Variants in KLHL17 observed in about 807,000 individuals in gnomAD.
KLHL17 encodes the protein kelch like family member 17.
Under a neutral mutation model 64.6 loss-of-function variants are expected in KLHL17, and 71 were observed. That is an observed-to-expected ratio of 1.10 (90% CI 0.91 to 1.34). The LOEUF (loss-of-function observed/expected upper bound fraction) is 1.34, where lower values mean the gene tolerates loss of function less well. Among genes scored for constraint, KLHL17 ranks in the 40% most tolerant of loss-of-function variants. The pLI is 0.00. For synonymous variants in KLHL17, 612 were observed against 405.4 expected (o/e 1.51, Z -6.12); for missense variants, 1,140 against 935.0 (o/e 1.22, Z -2.86).
At chr1:961,574 G>T (rs757450003) in intron 2 of KLHL17, 22 bp downstream of exon 2, 9 of 1,612,706 alleles carry the variant, frequency 5.6e-6, no homozygotes, top group Non-Finnish European at 7.6e-6. Context: ...CCTGGGCGGC[G>T]CTGGGGGCTC....
chr1:965,067 A>G lies in KLHL17; in HGVS notation c.1805A>G (p.Asn602Ser). 1 of 1,612,616 alleles carries G rather than the reference A, an allele frequency of 6.2e-7. No individual in the cohort carries two copies. The highest frequency in any genetic ancestry group is 8.5e-7 in the Non-Finnish European group (1 of 1,179,790). Reference sequence around the variant, plus strand: ...ATCGAGAAGTACAACCCGAGGACCAACAAGTGGGTGGCCGCATCCTGCATG... The same window carrying G: ...ATCGAGAAGTACAACCCGAGGACCAGCAAGTGGGTGGCCGCATCCTGCATG... ...NSIEKYNPRT[N>S]KWVAASCMFT... The change falls in exon 12 of 12, where the codon AAC becomes AGC. Residue 602 changes from asparagine to serine, a missense_variant. Transcript: ENST00000338591.
rs1430564743 is a variant in KLHL17, at chr1:960,734, G to T, written c.41G>T (p.Ser14Ile). Residue 14 changes from serine to isoleucine, a missense_variant, in exon 1 of 12, where the codon AGC becomes ATC. Ser to Ile is a moderately radical substitution (Grantham distance 142). Coordinates refer to ENST00000338591, the MANE Select transcript of KLHL17 (RefSeq NM_198317.3). ...GAGCGCCCGGCCGGCAGGACGCAGA[G>T]CCCGGAGCACGGCAGCCCGGGGCCC... Reference protein sequence around the residue: ...RSERPAGRTQSPEHGSPGPGP... With the variant: ...RSERPAGRTQIPEHGSPGPGP... 7.6e-6 allele frequency: 10 copies of T among 1,317,118 alleles called. No homozygotes were observed. In the South Asian group the frequency reaches 1.2e-4, roughly 15 times the overall value. 81.6% of individuals were successfully genotyped at this position (1,317,118 alleles called of 1,614,324 possible). A position where few individuals can be genotyped will look rare whatever the true frequency, so the allele number is the denominator to read the frequency against.
chr1:960,890 G>C, intron 1 of KLHL17, 90 bp downstream of exon 1: 1 of 883,834 alleles, frequency 1.1e-6, no homozygotes. Flanking sequence ...GGCGGGGGCC[G>C]CTTCCGAGGG....
chr1:964,212 C>T (rs781314633), intron 10 of KLHL17, 32 bp downstream of exon 10: 1 of 1,610,764 alleles, frequency 6.2e-7, no homozygotes, highest in Non-Finnish European at 8.5e-7. Context: ...GCCACCCCCT[C>T]CCGTGCGCCG....
Position 960,703 on chromosome 1 carries a change from C to A in KLHL17, c.10C>A (p.Arg4Ser). The change falls in exon 1 of 12, where the codon CGC becomes AGC. Residue 4 changes from arginine to serine, a missense_variant. Transcript: ENST00000338591. ...TGGGTCCGGCAGCCGAATGCAGCCC[C>A]GCAGCGAGCGCCCGGCCGGCAGGAC... MQPRSERPAGRTQS... is the reference protein window; with the variant it reads MQPSSERPAGRTQS... 7.4e-7 allele frequency: 1 copy of A among 1,357,090 alleles called. No individual in the cohort carries two copies. The highest frequency in any genetic ancestry group is 9.5e-7 in the Non-Finnish European group (1 of 1,047,122). 84.1% of individuals were successfully genotyped at this position (1,357,090 alleles called of 1,614,324 possible).
Position 965,099 on chromosome 1 carries a change from C to T in KLHL17, c.1837C>T (p.Arg613Trp), listed in dbSNP as rs1205428243. The change falls in exon 12 of 12, where the codon CGG (arginine) becomes TGG (tryptophan). Residue 613 changes from arginine to tryptophan, a missense_variant. Transcript: ENST00000338591. ...GGTGGCCGCATCCTGCATGTTCACC[C>T]GGCGCAGCAGTGTGGGTGTGGCGGT... The part of the protein sequence containing the change: ...KWVAASCMFT[R>W]RSSVGVAVLE... 5 of 1,612,624 alleles carry T rather than the reference C, an allele frequency of 3.1e-6. No individual in the cohort carries two copies. The highest frequency in any genetic ancestry group is 1.3e-5 in the African/African-American group (1 of 74,866).
rs770195236 is a variant in KLHL17, at chr1:963,958, C to T, written c.1394C>T (p.Ser465Phe). 1 of 1,612,568 alleles carries T rather than the reference C, an allele frequency of 6.2e-7. No homozygotes were observed. Reference protein sequence around the residue: ...RYDPLTGTWTSVAAMSTRRRY... With the variant: ...RYDPLTGTWTFVAAMSTRRRY... ...GACCCCCTGACCGGAACGTGGACGT[C>T]CGTCGCTGCCATGAGCACCCGGAGG... The change falls in exon 9 of 12, where the codon TCC becomes TTC. Residue 465 changes from serine to phenylalanine, a missense_variant. Coordinates refer to ENST00000338591, the MANE Select transcript of KLHL17 (RefSeq NM_198317.3).
Position 961,941 on chromosome 1 carries a change from A to G in KLHL17, c.605A>G (p.Asp202Gly). ...TGCCTGGGTATCCGGGGCTTTGCCGATGCGCACTCCTGCAGCGACCTGCTC... is the reference window on the plus strand; with the variant it reads ...TGCCTGGGTATCCGGGGCTTTGCCGGTGCGCACTCCTGCAGCGACCTGCTC... Reference protein sequence around the residue: ...SNCLGIRGFADAHSCSDLLKA... With the variant: ...SNCLGIRGFAGAHSCSDLLKA... The change falls in exon 4 of 12, where the codon GAT becomes GGT. Residue 202 changes from aspartate to glycine, a missense_variant. Asp to Gly is a moderately conservative substitution (Grantham distance 94). Coordinates refer to ENST00000338591, the MANE Select transcript of KLHL17 (RefSeq NM_198317.3). The G allele has an allele frequency of 6.2e-7, 1 of 1,612,872 alleles. No homozygotes were observed. Among genetic ancestry groups the G allele is most frequent in the Non-Finnish European group, 8.5e-7 (1 of 1,179,988 alleles).
rs773231383 is a variant in KLHL17, at chr1:961,621, C to T, written c.368-8C>T. ...CGGGTCAGCTCGTGTAACCCGCTGTCCCCGCAGATGAGATGAGCGAGAGCC... is the reference window on the plus strand; with the variant it reads ...CGGGTCAGCTCGTGTAACCCGCTGTTCCCGCAGATGAGATGAGCGAGAGCC... On this transcript the variant is annotated splice_polypyrimidine_tract_variant and splice_region_variant and intron_variant, in intron 2 of 11. Transcript: ENST00000338591. The T allele has an allele frequency of 1.9e-6, 3 of 1,612,680 alleles. No homozygotes were observed. The highest frequency in any genetic ancestry group is 3.3e-5 in the Admixed American group (2 of 60,004).
chr1:962,490 GGGCTCCCACA>G lies in KLHL17; in HGVS notation c.828+21_828+30del. Reference sequence around the variant, plus strand: ...CCCACGGGTGAGGCGCGGCCGCGGGGGGCTCCCACAGCATCCAGGAGGGCATGCAGGTGGC... The same window carrying G: ...CCCACGGGTGAGGCGCGGCCGCGGGGGCATCCAGGAGGGCATGCAGGTGGC... On this transcript the variant is annotated intron_variant, in intron 5 of 11. Coordinates refer to ENST00000338591, the MANE Select transcript of KLHL17 (RefSeq NM_198317.3). 1.9e-6 allele frequency: 3 copies of G among 1,610,922 alleles called. No individual in the cohort carries two copies. The highest frequency in any genetic ancestry group is 1.7e-6 in the Non-Finnish European group (2 of 1,179,178).
intron 2 of KLHL17, 25 bp from the exon 3 acceptor site, chr1:961,604 C>T (rs1642650588): frequency 6.2e-7 from 1 of 1,612,660 alleles, no homozygotes; most frequent in African/African-American, 1.3e-5. Flanking sequence ...CTCGGGTCAG[C>T]TCGTGTAACC....
At position 964,511 on chromosome 1, in the gene KLHL17, G is replaced by A; in HGVS notation, c.1681G>A (p.Ala561Thr). 6.6e-7 allele frequency: 1 copy of A among 1,518,764 alleles called. No individual in the cohort carries two copies. The highest frequency in any genetic ancestry group is 2.5e-5 in the East Asian group (1 of 40,486). The allele number at this position is 1,518,764 out of a possible 1,614,324, so 94.1% of individuals were successfully genotyped here. A position where few individuals can be genotyped will look rare whatever the true frequency, so the allele number is the denominator to read the frequency against. ...AAAGGCTGGAGCCTGGGAAAGCGTG[G>A]CGCCCATGAATATCCGCAGGTCCGC... ...SPKAGAWESV[A>T]PMNIRRSTHD... The change falls in exon 11 of 12, where the codon GCG (alanine) becomes ACG (threonine). Residue 561 changes from alanine to threonine, a missense_variant. Ala to Thr is a moderately conservative substitution (Grantham distance 58, BLOSUM62 0). Transcript: ENST00000338591.
At chr1:962,145 C>G (rs764335553) in intron 4 of KLHL17, 98 bp downstream of exon 4, 1 of 1,321,774 alleles carries the variant, frequency 7.6e-7, no homozygotes, top group Non-Finnish European at 1.1e-6. Context: ...ACAGCCCTGC[C>G]CACAATCCTT....
chr1:960,832 G>T (rs1642605851), intron 1 of KLHL17, 32 bp downstream of exon 1: 1 of 989,744 alleles, frequency 1.0e-6, no homozygotes, highest in African/African-American at 1.8e-5. Flanking sequence ...CGCGGGGGGC[G>T]GCCTCGGGAC....
rs1642602860 is a variant in KLHL17, at chr1:960,784, C to T, written c.91C>T (p.Pro31Ser). 1 of 1,074,322 alleles carries T rather than the reference C, an allele frequency of 9.3e-7. No individual in the cohort carries two copies. Among genetic ancestry groups the T allele is most frequent in the Non-Finnish European group, 1.1e-6 (1 of 885,644 alleles). 66.5% of individuals were successfully genotyped at this position (1,074,322 alleles called of 1,614,324 possible). The change falls in exon 1 of 12, where the codon CCG (proline) becomes TCG (serine). Residue 31 changes from proline to serine, a missense_variant. Transcript: ENST00000338591. The stretch of plus-strand genomic sequence containing the variant: ...CGGGCCCGAGGCGCCGCCGCCTCCA[C>T]CGCCGCAGCCGCCGGCGTGAGTGGG... ...GPGPEAPPPP[P>S]PQPPAPEAER...
At position 960,704 on chromosome 1, in the gene KLHL17, G is replaced by A. The variant is rs1258501356; in HGVS notation, c.11G>A (p.Arg4His). The A allele has an allele frequency of 1.1e-5, 15 of 1,357,756 alleles. 1 individual carries two copies. The East Asian group carries it at 2.0e-4, about 18-fold the overall frequency. The allele number at this position is 1,357,756 out of a possible 1,614,324, so 84.1% of individuals were successfully genotyped here. A position where few individuals can be genotyped will look rare whatever the true frequency, so the allele number is the denominator to read the frequency against. Residue 4 changes from arginine (R) to histidine (H), a missense_variant, in exon 1 of 12, where the codon CGC becomes CAC. Physicochemically the swap from Arg to His is conservative, Grantham distance 29 (BLOSUM62 0). Transcript: ENST00000338591. MQP[R>H]SERPAGRTQS... is the part of the protein sequence containing the mutation. ...GGGTCCGGCAGCCGAATGCAGCCCCGCAGCGAGCGCCCGGCCGGCAGGACG... is the reference window on the plus strand; with the variant it reads ...GGGTCCGGCAGCCGAATGCAGCCCCACAGCGAGCGCCCGGCCGGCAGGACG...
At position 961,903 on chromosome 1, in the gene KLHL17, C is replaced by G. The variant is rs998697497; in HGVS notation, c.567C>G (p.Leu189=). The change falls in exon 4 of 12, where the codon CTC becomes CTG. Residue 189 remains leucine (L), a synonymous_variant. Transcript: ENST00000338591. ...GCTGCAAGTTTCTACTGAGTCAGCT[C>G]GACCCCTCCAACTGCCTGGGTATCC... ...DACCKFLLSQ[L]DPSNCLGIRG... is the part of the protein sequence containing the mutation. 1.2e-6 allele frequency: 2 copies of G among 1,612,876 alleles called. No homozygotes were observed. Among genetic ancestry groups the G allele is most frequent in the Admixed American group, 1.7e-5 (1 of 60,028 alleles).
In KLHL17 at chr1:961,622, C is replaced by T; in HGVS notation, c.368-7C>T. The stretch of plus-strand genomic sequence containing the variant: ...GGGTCAGCTCGTGTAACCCGCTGTC[C>T]CCGCAGATGAGATGAGCGAGAGCCG... On this transcript the variant is annotated splice_polypyrimidine_tract_variant and splice_region_variant and intron_variant, in intron 2 of 11. Transcript: ENST00000338591. 2 of 1,612,812 alleles carry T rather than the reference C, an allele frequency of 1.2e-6. No individual in the cohort carries two copies. Among genetic ancestry groups the T allele is most frequent in the Non-Finnish European group, 8.5e-7 (1 of 1,179,962 alleles).
chr1:963,810 G>C, intron 8 of KLHL17, 110 bp from the exon 9 acceptor site: 2 of 1,280,060 alleles, frequency 1.6e-6, no homozygotes, highest in South Asian at 1.3e-5. Context: ...TGCGGTCTGA[G>C]TTTGACTCCT....
Sources: gnomAD v4.1 joint callset for allele counts on GRCh38, gnomAD v4.1.1 for gene constraint, MANE v1.5 for transcripts, NCBI Gene and HGNC (gene_info 2026-07-23, HGNC 2026-07-21) for gene names.